CCNP: variants seen among roughly 807,000 people sequenced by gnomAD.
The protein encoded by CCNP is cyclin P, also known as cyclin-P.
A neutral mutation model predicts 19.6 loss-of-function variants in CCNP; 18 were observed. The observed-to-expected ratio is 0.92, with a 90% CI of 0.64 to 1.36. The LOEUF (loss-of-function observed/expected upper bound fraction) is 1.36, where lower values mean the gene tolerates loss of function less well. CCNP is among the 40% of genes most tolerant of loss of function. The pLI is 0.00. For missense variants in CCNP, 440 were observed against 424.4 expected (o/e 1.04, Z -0.32); for synonymous variants, 228 against 194.9 (o/e 1.17, Z -1.41).
intron 1 of CCNP, chr19:40,225,053 C>T (rs1448159860): frequency 2.0e-6 from 1 of 505,328 alleles, no homozygotes; most frequent in Non-Finnish European, 3.4e-6. Context: ...TCTAGGTTCC[C>T]AGACTTCACT....
chr19:40,223,571 GGTGAAGGA>G (rs1057484353), intron 3 of CCNP, 25 bp from the exon 4 acceptor site: 12 of 1,598,946 alleles, frequency 7.5e-6, no homozygotes, highest in African/African-American at 1.3e-5. Context: ...TGCGGGGGGA[GGTGAAGGA>G]GTCTTGGATC....
At chr19:40,224,368 C>G in intron 3 of CCNP, 120 bp downstream of exon 3, 13 of 1,083,750 alleles carry the variant, frequency 1.2e-5, no homozygotes, top group Non-Finnish European at 1.6e-5. Flanking sequence ...CATTGACAGC[C>G]CCTCCCTCAT....
rs1323104962 is a variant in CCNP, at chr19:40,222,690, T to C, written c.*362A>G. On this transcript the variant is annotated 3_prime_UTR_variant, in exon 5 of 5. Transcript: ENST00000430325. ...CCCTATTCTTCCTACAGGGCGCGGC[T>C]AGTGCGGAGTCAGAACACTCGAGGA... is the stretch of plus-strand genomic sequence containing the variant. 2.5e-6 allele frequency: 1 copy of C among 401,618 alleles called. No individual in the cohort carries two copies. Among genetic ancestry groups the C allele is most frequent in the African/African-American group, 2.1e-5 (1 of 48,546 alleles). The allele number at this position is 401,618 out of a possible 1,614,324, so 24.9% of individuals were successfully genotyped here.
rs1223650351 is a variant in CCNP at position 40,226,621 on chromosome 19, G to A, written c.21C>T (p.Asp7=). 30 of 1,579,456 alleles carry A rather than the reference G, an allele frequency of 1.9e-5. No individual in the cohort carries two copies. The highest frequency in any genetic ancestry group is 2.6e-5 in the Non-Finnish European group (30 of 1,164,106). ...GCCCGAGCCGGGAGCCGGACCCCTGGTCCCTGCCTCTCACCAGCATCCTCC... is the reference window on the plus strand; with the variant it reads ...GCCCGAGCCGGGAGCCGGACCCCTGATCCCTGCCTCTCACCAGCATCCTCC... MLVRGR[D]QGSGSRLGPI... is the part of the protein sequence containing the mutation. Residue 7 remains aspartate (D), a synonymous_variant, in exon 1 of 5, where the codon GAC becomes GAT. Coordinates refer to ENST00000430325, the MANE Select transcript of CCNP (RefSeq NM_024877.4).
intron 1 of CCNP, 133 bp downstream of exon 1, chr19:40,226,242 T>C (rs940293433): frequency 7.9e-6 from 6 of 758,354 alleles, no homozygotes; most frequent in Non-Finnish European, 1.3e-5. Context: ...GCCTGGACGT[T>C]GCAGGGAAGG....
At position 40,226,432 on chromosome 19, in the gene CCNP, G is replaced by A. The variant is rs769973405; in HGVS notation, c.210C>T (p.Ser70=). ...CGCGTTCTCCCTGCAGCCCCAGCGC[G>A]CTCAGCGCCTCCTCCAGCCCCGGCG... ...ARPPGLEEAL[S]ALGLQGEREY... Residue 70 remains serine (S), a synonymous_variant, in exon 1 of 5, where the codon AGC becomes AGT. Transcript: ENST00000430325. 3.1e-6 allele frequency: 5 copies of A among 1,608,870 alleles called. No individual in the cohort carries two copies. The highest frequency in any genetic ancestry group is 3.3e-5 in the Admixed American group (2 of 59,940).
In CCNP at chr19:40,224,567, A is replaced by G. The variant is rs577202997; in HGVS notation, c.434T>C (p.Val145Ala). 50 of 1,614,256 alleles carry G rather than the reference A, an allele frequency of 3.1e-5. No homozygotes were observed. The South Asian group carries it at 4.9e-4, about 16-fold the overall frequency. Residue 145 changes from valine to alanine, a missense_variant, in exon 3 of 5, where the codon GTG becomes GCG. By Grantham distance (64) the Val-to-Ala change is moderately conservative. Transcript: ENST00000430325. Reference protein sequence around the residue: ...LLDSYLSAGRVRLHRLQLLGV... With the variant: ...LLDSYLSAGRARLHRLQLLGV... ...CAGCAGCTGCAGGCGATGTAGACGC[A>G]CGCGGCCAGCGCTCAGGTAGGAATC...
intron 1 of CCNP, 100 bp downstream of exon 1, chr19:40,226,275 G>A: frequency 9.6e-7 from 1 of 1,045,300 alleles, no homozygotes; most frequent in Non-Finnish European, 1.4e-6. Flanking sequence ...CAGTGATAGG[G>A]AGGAGAGGCT....
At chr19:40,226,255 C>G (rs1185751469) in intron 1 of CCNP, 120 bp downstream of exon 1, 6 of 853,714 alleles carry the variant, frequency 7.0e-6, no homozygotes, top group Non-Finnish European at 9.0e-6. Context: ...AGGGAAGGAA[C>G]GCCGGCTGCC....
In CCNP at chr19:40,223,972, GT is replaced by G. The variant is rs139230372; in HGVS notation, c.514-427del. ...TTGGCTCCCCAAAGTGATTTGTTTT[GT>G]TTTTTTTTGTTGTTGTTGTTTGTTT... is the stretch of plus-strand genomic sequence containing the variant. On this transcript the variant is annotated intron_variant, in intron 3 of 4. Transcript: ENST00000430325. Among the ~76,000 whole-genome samples, 705 of 150,380 alleles carry G rather than the reference GT, an allele frequency of 4.7e-3. 12 individuals carry two copies. The highest frequency in any genetic ancestry group is 0.016 in the African/African-American group (652 of 40,822).
Position 40,223,473 on chromosome 19 carries a change from A to G in CCNP, c.587T>C (p.Leu196Pro). The change falls in exon 4 of 5, where the codon CTG (leucine) becomes CCG (proline). Residue 196 changes from leucine (L) to proline (P), a missense_variant. Transcript: ENST00000430325. ...GTGCAGCCGGAAATCCAGGCGGCTC[A>G]GGATGCGACGCTCGGCGCGCAGCAG... ...AELLRAERRI[L>P]SRLDFRLHHP... is the part of the protein sequence containing the mutation. The G allele has an allele frequency of 6.2e-7, 1 of 1,611,188 alleles. No individual in the cohort carries two copies. The highest frequency in any genetic ancestry group is 8.5e-7 in the Non-Finnish European group (1 of 1,178,340).
chr19:40,224,377 A>G, intron 3 of CCNP, 111 bp downstream of exon 3: 1 of 1,215,406 alleles, frequency 8.2e-7, no homozygotes, highest in South Asian at 1.4e-5. Flanking sequence ...CCCCTCCCTC[A>G]TACATGTTGG....
At chr19:40,226,333 G>A (rs1186708431) in intron 1 of CCNP, 42 bp downstream of exon 1, 5 of 1,571,076 alleles carry the variant, frequency 3.2e-6, no homozygotes, top group South Asian at 2.2e-5. Context: ...CGGGCGGTGG[G>A]CCGGCGTCGC....
chr19:40,226,616 C>T lies in CCNP; in HGVS notation c.26G>A (p.Gly9Glu), dbSNP rs1231712537. The T allele has an allele frequency of 6.3e-7, 1 of 1,578,546 alleles. No individual in the cohort carries two copies. Reference sequence around the variant, plus strand: ...GATAGGCCCGAGCCGGGAGCCGGACCCCTGGTCCCTGCCTCTCACCAGCAT... The same window carrying T: ...GATAGGCCCGAGCCGGGAGCCGGACTCCTGGTCCCTGCCTCTCACCAGCAT... MLVRGRDQ[G>E]SGSRLGPIVR... is the part of the protein sequence containing the mutation. The change falls in exon 1 of 5, where the codon GGG becomes GAG. Residue 9 changes from glycine (G) to glutamate (E), a missense_variant. Transcript: ENST00000430325.
At position 40,222,430 on chromosome 19, in the gene CCNP, A is replaced by G; in HGVS notation, c.*622T>C. ...GACCCGGCGCGGGACCTCGGAGCGC[A>G]GCGCGGGCCATGCACGGCTCGAGGG... On this transcript the variant is annotated 3_prime_UTR_variant, in exon 5 of 5. Transcript: ENST00000430325. 2.5e-6 allele frequency: 1 copy of G among 398,678 alleles called. No homozygotes were observed. The highest frequency in any genetic ancestry group is 3.6e-5 in the East Asian group (1 of 28,060). 24.7% of individuals were successfully genotyped at this position (398,678 alleles called of 1,614,324 possible).
chr19:40,226,200 T>C (rs1973536255), intron 1 of CCNP, among the ~76,000 whole-genome samples, 175 bp downstream of exon 1: 1 of 152,202 alleles, frequency 6.6e-6, no homozygotes, highest in Admixed American at 6.5e-5. Flanking sequence ...TTCCCAGCGG[T>C]AGAAACGGCG....
Position 40,222,428 on chromosome 19 carries a change from G to A in CCNP, c.*624C>T. 1.0e-5 allele frequency: 4 copies of A among 398,666 alleles called. No homozygotes were observed. Among genetic ancestry groups the A allele is most frequent in the South Asian group, 1.3e-4 (1 of 7,892 alleles). The allele number at this position is 398,666 out of a possible 1,614,324, so 24.7% of individuals were successfully genotyped here. ...GCGACCCGGCGCGGGACCTCGGAGCGCAGCGCGGGCCATGCACGGCTCGAG... is the reference window on the plus strand; with the variant it reads ...GCGACCCGGCGCGGGACCTCGGAGCACAGCGCGGGCCATGCACGGCTCGAG... On this transcript the variant is annotated 3_prime_UTR_variant, in exon 5 of 5. Transcript: ENST00000430325.
chr19:40,222,373 G>C lies in CCNP; in HGVS notation c.*679C>G, dbSNP rs113595806. ...CGGCAAGGCTGGTCCCCTGGCGCTGGGGCCGCGCATACTTGAGGAAGACTG... is the reference window on the plus strand; with the variant it reads ...CGGCAAGGCTGGTCCCCTGGCGCTGCGGCCGCGCATACTTGAGGAAGACTG... On this transcript the variant is annotated 3_prime_UTR_variant, in exon 5 of 5. Transcript: ENST00000430325. The C allele has an allele frequency of 5.0e-6, 2 of 399,024 alleles. No individual in the cohort carries two copies. The highest frequency in any genetic ancestry group is 8.8e-6 in the Non-Finnish European group (2 of 226,076). 24.7% of individuals were successfully genotyped at this position (399,024 alleles called of 1,614,324 possible). A position where few individuals can be genotyped will look rare whatever the true frequency, so the allele number is the denominator to read the frequency against.
In CCNP at chr19:40,223,414, C is replaced by T; in HGVS notation, c.646G>A (p.Ala216Thr). 1 of 1,584,368 alleles carries T rather than the reference C, an allele frequency of 6.3e-7. No individual in the cohort carries two copies. The highest frequency in any genetic ancestry group is 8.6e-7 in the Non-Finnish European group (1 of 1,166,422). ...TGGGGGCTGCTCCCTGCCAGCGCGG[C>T]CAGCAGCCCGAGGCACAGCAGCGGG... Reference protein sequence around the residue: ...PGPLLCLGLLAALAGSSPQVM... With the variant: ...PGPLLCLGLLTALAGSSPQVM... Residue 216 changes from alanine to threonine, a missense_variant, in exon 4 of 5, where the codon GCC becomes ACC. Coordinates refer to ENST00000430325, the MANE Select transcript of CCNP (RefSeq NM_024877.4).
Sources: allele counts gnomAD v4.1 joint callset (sites outside exome capture counted in the v4.1 genomes callset), GRCh38; gene constraint gnomAD v4.1.1; transcripts MANE v1.5; gene names NCBI Gene and HGNC (gene_info 2026-07-23, HGNC 2026-07-21).